The following NFE2L2 variants were observed in gnomAD, a reference collection of about 807,000 sequenced individuals.
NFE2L2 encodes the protein NFE2 like bZIP transcription factor 2.
NFE2L2 carries 20 observed loss-of-function variants against 49.6 expected under a neutral mutation model. The observed-to-expected ratio is 0.40, with a 90% CI of 0.28 to 0.59. NFE2L2 has a LOEUF of 0.59. Ranked by LOEUF, NFE2L2 falls within the 20% of genes least tolerant of loss-of-function variation. The pLI, the probability that NFE2L2 is intolerant of heterozygous loss-of-function variation, is 0.40. For synonymous variants in NFE2L2, 244 were observed against 256.5 expected (o/e 0.95, Z 0.47); for missense variants, 578 against 714.2 (o/e 0.81, Z 2.17).
At chr2:177,263,979 G>A (rs1246973845) in intron 1 of NFE2L2, 41 of 979,924 alleles carry the variant, frequency 4.2e-5, no homozygotes, top group Non-Finnish European at 5.0e-5. Context: ...GGGTGAGCGC[G>A]TCGCAGCCCG....
intron 1 of NFE2L2, among the ~76,000 whole-genome samples, chr2:177,246,342 G>C (rs773648073): frequency 5.3e-5 from 8 of 152,152 alleles, no homozygotes; most frequent in Non-Finnish European, 1.2e-4. Context: ...ACTATGGTCT[G>C]ACTAAACTCA....
rs1558981082 is a variant in NFE2L2 at position 177,234,284 on chromosome 2, C to A, written c.46-13G>T. ...TCAAATCCATGTCCTATGTTTAAGA[C>A]AAAAAAAGGAAGGAGAGAGCTCATG... is the stretch of plus-strand genomic sequence containing the variant. On this transcript the variant is annotated splice_polypyrimidine_tract_variant and intron_variant, in intron 1 of 4. Transcript: ENST00000397062. 20 of 1,581,086 alleles carry A rather than the reference C, an allele frequency of 1.3e-5. No homozygotes were observed. The highest frequency in any genetic ancestry group is 1.8e-4 in the Middle Eastern group (1 of 5,662).
intron 1 of NFE2L2, among the ~76,000 whole-genome samples, chr2:177,240,526 G>C (rs1689905679): frequency 6.6e-6 from 1 of 152,166 alleles, no homozygotes; most frequent in Non-Finnish European, 1.5e-5. Context: ...TATGTTGCTA[G>C]CTTGGCTTAG....
chr2:177,235,010 G>A (rs1689691240), intron 1 of NFE2L2, among the ~76,000 whole-genome samples: 1 of 152,130 alleles, frequency 6.6e-6, no homozygotes, highest in South Asian at 2.1e-4. Flanking sequence ...CAGCTACTCA[G>A]GAGGCTGAGG....
chr2:177,247,013 T>A (rs1690155567), intron 1 of NFE2L2, among the ~76,000 whole-genome samples: 1 of 152,218 alleles, frequency 6.6e-6, no homozygotes, highest in Non-Finnish European at 1.5e-5. Flanking sequence ...TGTTTCTTTT[T>A]GCCATTACAA....
intron 1 of NFE2L2, among the ~76,000 whole-genome samples, chr2:177,248,647 G>C (rs1381882463): frequency 2.0e-5 from 3 of 152,176 alleles, no homozygotes; most frequent in African/African-American, 7.2e-5. Context: ...CACCTTAGGT[G>C]ATCCGCCTGC....
chr2:177,251,614 C>G (rs1690341638), intron 1 of NFE2L2, among the ~76,000 whole-genome samples: 1 of 152,104 alleles, frequency 6.6e-6, no homozygotes, highest in Non-Finnish European at 1.5e-5. Flanking sequence ...ACCTCAGTCT[C>G]CACAACAACC....
intron 1 of NFE2L2, among the ~76,000 whole-genome samples, chr2:177,241,582 G>A (rs780982865): frequency 8.5e-5 from 13 of 152,204 alleles, no homozygotes; most frequent in Non-Finnish European, 2.9e-5. Context: ...TAACAGCCAG[G>A]CACGGTGGCT....
At position 177,232,482 on chromosome 2, in the gene NFE2L2, A is replaced by T. The variant is rs918845020; in HGVS notation, c.504T>A (p.Ser168=). ...ATNQAQSPET[S]VAQVAPVDLD... is the part of the protein sequence containing the mutation. ...AATCAACAGGGGCTACCTGAGCAAC[A>T]GAAGTTTCAGGTGACTGAGCCTGAT... Residue 168 remains serine, a synonymous_variant, in exon 4 of 5, where the codon TCT becomes TCA. Transcript: ENST00000397062. 1.9e-6 allele frequency: 3 copies of T among 1,614,066 alleles called. No homozygotes were observed. Among genetic ancestry groups the T allele is most frequent in the East Asian group, 2.2e-5 (1 of 44,900 alleles).
At chr2:177,258,788 T>C (rs1423681880) in intron 1 of NFE2L2, among the ~76,000 whole-genome samples, 3 of 152,176 alleles carry the variant, frequency 2.0e-5, no homozygotes, top group African/African-American at 2.4e-5. Flanking sequence ...GCCTAAGTGA[T>C]CCATATTTTT....
At chr2:177,234,439 C>A (rs1689671182) in intron 1 of NFE2L2, among the ~76,000 whole-genome samples, 168 bp from the exon 2 acceptor site, 1 of 152,198 alleles carries the variant, frequency 6.6e-6, no homozygotes, top group South Asian at 2.1e-4. Context: ...ACAGTTAATT[C>A]CATTCAATGA....
chr2:177,234,655 G>A (rs1689677665), intron 1 of NFE2L2, among the ~76,000 whole-genome samples: 1 of 152,164 alleles, frequency 6.6e-6, no homozygotes, highest in Admixed American at 6.5e-5. Flanking sequence ...AGAGAAGTGG[G>A]GTCTGGAAAA....
chr2:177,249,105 G>A (rs569571738), intron 1 of NFE2L2, among the ~76,000 whole-genome samples: 18 of 151,810 alleles, frequency 1.2e-4, no homozygotes, highest in Admixed American at 3.3e-4. Context: ...CTGTGGCCCC[G>A]GCTACTCAGA....
At chr2:177,242,894 G>GTTT (rs1452933700) in intron 1 of NFE2L2, among the ~76,000 whole-genome samples, 1 of 150,404 alleles carries the variant, frequency 6.6e-6, no homozygotes, top group African/African-American at 2.5e-5. Flanking sequence ...CCCCAAGGAG[G>GTTT]TTTTGTTTTT....
Position 177,231,708 on chromosome 2 carries a change from T to C in NFE2L2, c.895A>G (p.Met299Val). 1 of 1,614,222 alleles carries C rather than the reference T, an allele frequency of 6.2e-7. No individual in the cohort carries two copies. Residue 299 changes from methionine (M) to valine (V), a missense_variant, in exon 5 of 5, where the codon ATG (methionine) becomes GTG (valine). Physicochemically the swap from Met to Val is conservative, Grantham distance 21. Coordinates refer to ENST00000397062, the MANE Select transcript of NFE2L2 (RefSeq NM_006164.5). ...FIAEPSISNS[M>V]PSPATLSHSL... The stretch of plus-strand genomic sequence containing the variant: ...TGGCTTAAAGTAGCAGGTGAGGGCA[T>C]GCTGTTGCTGATACTGGGCTCAGCT...
Position 177,264,654 on chromosome 2 carries a change from G to A in NFE2L2, c.-78C>T. On this transcript the variant is annotated 5_prime_UTR_variant, in exon 1 of 5. Transcript: ENST00000397062. Reference sequence around the variant, plus strand: ...TGCCGAGGCGCGGCGCGGACAGGGCGGCTCTGGTGGCGGCGGCGGCGGCGG... The same window carrying A: ...TGCCGAGGCGCGGCGCGGACAGGGCAGCTCTGGTGGCGGCGGCGGCGGCGG... 2 of 1,291,436 alleles carry A rather than the reference G, an allele frequency of 1.5e-6. No individual in the cohort carries two copies. The highest frequency in any genetic ancestry group is 2.0e-6 in the Non-Finnish European group (2 of 1,008,656). The allele number at this position is 1,291,436 out of a possible 1,614,324, so 80.0% of individuals were successfully genotyped here.
rs57572550 is a variant in NFE2L2, at chr2:177,233,064, T to C, written c.402+186A>G. 2.5e-3 allele frequency: 1,409 copies of C among 566,282 alleles called. 21 individuals carry two copies. In the African/African-American group the frequency reaches 0.025, roughly 10 times the overall value. The allele number at this position is 566,282 out of a possible 1,614,324, so 35.1% of individuals were successfully genotyped here. On this transcript the variant is annotated intron_variant, in intron 3 of 4. Coordinates refer to ENST00000397062, the MANE Select transcript of NFE2L2 (RefSeq NM_006164.5). Reference sequence around the variant, plus strand: ...TTGTGTGAAGGGTTTTTTTTTTTCTTAATTGTAAAGTTATTTATAGGCTAA... The same window carrying C: ...TTGTGTGAAGGGTTTTTTTTTTTCTCAATTGTAAAGTTATTTATAGGCTAA...
chr2:177,244,020 G>T lies in NFE2L2; in HGVS notation c.46-9749C>A, dbSNP rs188666710. On this transcript the variant is annotated intron_variant, in intron 1 of 4. Transcript: ENST00000397062. ...TTTAAAAAAAAAAAAAAAGATCCTT[G>T]CTGGGTGCGGTGGCTCACGCCTGTA... Among the ~76,000 whole-genome samples, 4 of 151,330 alleles carry T rather than the reference G, an allele frequency of 2.6e-5. No homozygotes were observed. In the East Asian group the frequency reaches 7.8e-4, roughly 29 times the overall value.
At chr2:177,258,430 A>G (rs1690610128) in intron 1 of NFE2L2, among the ~76,000 whole-genome samples, 1 of 152,186 alleles carries the variant, frequency 6.6e-6, no homozygotes, top group Non-Finnish European at 1.5e-5. Context: ...AGTAGTTACC[A>G]GGGGCCAGGA....
Sources: allele counts gnomAD v4.1 joint callset (sites outside exome capture counted in the v4.1 genomes callset), GRCh38; gene constraint gnomAD v4.1.1; transcripts MANE v1.5; gene names NCBI Gene and HGNC (gene_info 2026-07-23, HGNC 2026-07-21).